Variants in LRRN3 observed in about 807,000 individuals in gnomAD.
LRRN3 encodes leucine-rich repeat neuronal protein 3.
LRRN3 carries 15 observed loss-of-function variants against 40.1 expected under a neutral mutation model. That is an observed-to-expected ratio of 0.37 (90% CI 0.25 to 0.58). The LOEUF is 0.58. LRRN3 is among the 20% of genes least tolerant of loss of function. The pLI, the probability that LRRN3 is intolerant of heterozygous loss-of-function variation, is 0.72. For synonymous variants in LRRN3, 308 were observed against 297.2 expected (o/e 1.04, Z -0.37); for missense variants, 746 against 837.7 (o/e 0.89, Z 1.35).
Position 111,122,642 on chromosome 7 carries a change from T to C in LRRN3, c.-131T>C. On this transcript the variant is annotated 5_prime_UTR_variant, in exon 3 of 3. Transcript: ENST00000308478. ...GGCACTTATTTCAGTGAAGAAAAAC[T>C]TTGTGGTTCTATGGCATTCATCATT... 1 of 705,892 alleles carries C rather than the reference T, an allele frequency of 1.4e-6. No individual in the cohort carries two copies. Among genetic ancestry groups the C allele is most frequent in the Admixed American group, 2.9e-5 (1 of 34,586 alleles). The allele number at this position is 705,892 out of a possible 1,614,324, so 43.7% of individuals were successfully genotyped here. A position where few individuals can be genotyped will look rare whatever the true frequency, so the allele number is the denominator to read the frequency against.
chr7:111,120,455 C>G (rs770955527), intron 2 of LRRN3, among the ~76,000 whole-genome samples: 22 of 152,084 alleles, frequency 1.4e-4, no homozygotes, highest in Admixed American at 7.2e-4. Context: ...GAAACTGCCC[C>G]CATGATTTAA....
intron 2 of LRRN3, among the ~76,000 whole-genome samples, chr7:111,112,017 G>C (rs1448115904): frequency 1.5e-5 from 2 of 136,394 alleles, no homozygotes; most frequent in Non-Finnish European, 3.0e-5. Flanking sequence ...GTGCGATCTC[G>C]GCTCACTGCA....
chr7:111,104,765 TC>T, intron 2 of LRRN3, among the ~76,000 whole-genome samples: 1 of 151,754 alleles, frequency 6.6e-6, no homozygotes, highest in Non-Finnish European at 1.5e-5. Context: ...AAGCTACACT[TC>T]CTATCAAATT....
rs138632352 is a variant in LRRN3, at chr7:111,104,289, G to A, written c.-359+4327G>A. ...ATTTTCCTTCTCCCACTCCCTCTGT[G>A]TCCCAATTTCCTGTAAATGTTTACT... On this transcript the variant is annotated intron_variant, in intron 2 of 2. Transcript: ENST00000308478. 5.3e-5 allele frequency among the ~76,000 whole-genome samples: 8 copies of A among 151,792 alleles called. 1 individual carries two copies. In the East Asian group the frequency reaches 1.4e-3, roughly 26 times the overall value.
intron 1 of LRRN3, among the ~76,000 whole-genome samples, chr7:111,095,282 ATACTTTGTATTCACCCAGCT>A (rs1445534221): frequency 6.6e-6 from 1 of 152,022 alleles, no homozygotes; most frequent in Non-Finnish European, 1.5e-5. Flanking sequence ...GTAATACATT[ATACTTTGTATTCACCCAGCT>A]ATTTATTGGA....
chr7:111,100,652 T>C (rs1041133668), intron 2 of LRRN3, among the ~76,000 whole-genome samples: 7 of 151,184 alleles, frequency 4.6e-5, no homozygotes, highest in Non-Finnish European at 8.9e-5. Flanking sequence ...CTGTTGAAAA[T>C]GCATAGAGCC....
At chr7:111,097,677 A>G (rs1485545228) in intron 1 of LRRN3, among the ~76,000 whole-genome samples, 1 of 151,880 alleles carries the variant, frequency 6.6e-6, no homozygotes, top group Admixed American at 6.6e-5. Flanking sequence ...GTATCGCTAT[A>G]TTTATATGCC....
chr7:111,101,838 C>G (rs536480407), intron 2 of LRRN3, among the ~76,000 whole-genome samples: 1 of 151,282 alleles, frequency 6.6e-6, no homozygotes, highest in Non-Finnish European at 1.5e-5. Flanking sequence ...CTACTGCCCC[C>G]AATCTAAAAA....
intron 2 of LRRN3, among the ~76,000 whole-genome samples, chr7:111,111,766 A>G (rs765044478): frequency 1.3e-5 from 2 of 151,970 alleles, no homozygotes; most frequent in Non-Finnish European, 2.9e-5. Flanking sequence ...GCTTCAAGTA[A>G]AGAGTTATTG....
At chr7:111,102,714 A>C (rs943560422) in intron 2 of LRRN3, among the ~76,000 whole-genome samples, 13 of 151,584 alleles carry the variant, frequency 8.6e-5, no homozygotes, top group African/African-American at 3.1e-4. Context: ...AGAATAATCC[A>C]GCTTCTTCGT....
Position 111,125,115 on chromosome 7 carries a change from G to A in LRRN3, c.*216G>A. 2.3e-6 allele frequency: 1 copy of A among 444,140 alleles called. No individual in the cohort carries two copies. The highest frequency in any genetic ancestry group is 2.1e-5 in the African/African-American group (1 of 48,556). The allele number at this position is 444,140 out of a possible 1,614,324, so 27.5% of individuals were successfully genotyped here. A position where few individuals can be genotyped will look rare whatever the true frequency, so the allele number is the denominator to read the frequency against. On this transcript the variant is annotated 3_prime_UTR_variant, in exon 3 of 3. Coordinates refer to ENST00000308478, the MANE Select transcript of LRRN3 (RefSeq NM_001099658.2). The stretch of plus-strand genomic sequence containing the variant: ...GTAACTGGCTTCAAGGGGTACTGTG[G>A]CAACCAAATAAAATAACTCCATTTT...
At chr7:111,096,945 CA>C (rs1181262500) in intron 1 of LRRN3, 1 of 151,804 alleles carries the variant, frequency 6.6e-6, no homozygotes, top group East Asian at 1.9e-4. Context: ...TTGTGTCTGT[CA>C]AAAGTAATAT....
chr7:111,097,566 C>T (rs1384953260), intron 1 of LRRN3, among the ~76,000 whole-genome samples: 2 of 151,618 alleles, frequency 1.3e-5, no homozygotes, highest in African/African-American at 4.8e-5. Context: ...AACTAACTTT[C>T]AGCTTACCTT....
chr7:111,123,430 G>C lies in LRRN3; in HGVS notation c.658G>C (p.Ala220Pro). ...TATCAATCTTCGCAGCCTGGTTATA[G>C]CTGGTATAAACCTCACAGAAATACC... ...PLINLRSLVI[A>P]GINLTEIPDN... The change falls in exon 3 of 3, where the codon GCT (alanine) becomes CCT (proline). Residue 220 changes from alanine (A) to proline (P), a missense_variant. Ala to Pro is a conservative substitution (Grantham distance 27, BLOSUM62 -1). Coordinates refer to ENST00000308478, the MANE Select transcript of LRRN3 (RefSeq NM_001099658.2). This position sits in a 1 kb window ranked among gnomAD's most constrained non-coding sequence, Gnocchi z 6.4. 6.2e-7 allele frequency: 1 copy of C among 1,613,606 alleles called. No homozygotes were observed. Among genetic ancestry groups the C allele is most frequent in the Non-Finnish European group, 8.5e-7 (1 of 1,179,842 alleles).
chr7:111,098,440 CATA>C (rs1330607605), intron 1 of LRRN3, among the ~76,000 whole-genome samples: 1 of 151,494 alleles, frequency 6.6e-6, no homozygotes, highest in Non-Finnish European at 1.5e-5. Context: ...TAAATTATAC[CATA>C]ATATGCTGCT....
At chr7:111,109,698 G>A (rs1244252848) in intron 2 of LRRN3, among the ~76,000 whole-genome samples, 1 of 152,136 alleles carries the variant, frequency 6.6e-6, no homozygotes, top group African/African-American at 2.4e-5. Context: ...AGGATTATTA[G>A]GGGAATCAGA....
chr7:111,110,466 T>A (rs568394031), intron 2 of LRRN3, among the ~76,000 whole-genome samples: 1 of 152,308 alleles, frequency 6.6e-6, no homozygotes, highest in Non-Finnish European at 1.5e-5. Flanking sequence ...ATAGATTATA[T>A]CTTACTAACC....
At chr7:111,105,791 T>G (rs1467712347) in intron 2 of LRRN3, among the ~76,000 whole-genome samples, 1 of 151,744 alleles carries the variant, frequency 6.6e-6, no homozygotes, top group African/African-American at 2.4e-5. Context: ...ATAAAAGAAA[T>G]AGATAGAGAT....
At chr7:111,112,746 A>G (rs879592980) in intron 2 of LRRN3, among the ~76,000 whole-genome samples, 8 of 152,190 alleles carry the variant, frequency 5.3e-5, no homozygotes, top group Non-Finnish European at 1.2e-4. Context: ...CATGCTTATT[A>G]TAGGGAACTA....
Sources: allele counts gnomAD v4.1 joint callset (sites outside exome capture counted in the v4.1 genomes callset), GRCh38; gene constraint gnomAD v4.1.1; non-coding constraint Gnocchi (gnomAD v3.1); transcripts MANE v1.5; gene names NCBI Gene and HGNC (gene_info 2026-07-23, HGNC 2026-07-21).